Variants in SYK observed in about 807,000 individuals in gnomAD.
The protein encoded by SYK is spleen associated tyrosine kinase, also known as tyrosine-protein kinase SYK.
In SYK, 16 loss-of-function variants were observed where a neutral mutation model predicts 77.8. The observed-to-expected ratio is 0.21, with a 90% CI of 0.14 to 0.31. SYK has a LOEUF of 0.31. Among genes scored for constraint, SYK ranks in the 10% least tolerant of loss-of-function variants. SYK has a pLI of 1.00. For missense variants in SYK, 529 were observed against 814.4 expected (o/e 0.65, Z 4.26); for synonymous variants, 312 against 308.7 (o/e 1.01, Z -0.11).
intron 11 of SYK, among the ~76,000 whole-genome samples, chr9:90,881,523 C>T (rs563669271): frequency 8.6e-4 from 130 of 151,642 alleles, no homozygotes; most frequent in Non-Finnish European, 1.6e-3. Flanking sequence ...CTACTAAAAA[C>T]ACAAAAATTA....
intron 1 of SYK, among the ~76,000 whole-genome samples, chr9:90,815,853 G>T (rs950025226): frequency 6.6e-6 from 1 of 152,166 alleles, no homozygotes; most frequent in African/African-American, 2.4e-5. Context: ...GATCAGTTTT[G>T]AACCCCAGAA....
At chr9:90,876,656 A>G (rs538230679) in intron 9 of SYK, among the ~76,000 whole-genome samples, 2 of 152,338 alleles carry the variant, frequency 1.3e-5, no homozygotes, top group South Asian at 2.1e-4. Flanking sequence ...CATAATTTCA[A>G]CTAGAGAATT....
At chr9:90,892,039 C>T (rs907137541) in intron 13 of SYK, among the ~76,000 whole-genome samples, 1 of 152,158 alleles carries the variant, frequency 6.6e-6, no homozygotes, top group Non-Finnish European at 1.5e-5. Flanking sequence ...CAAATTGATA[C>T]CAGGCCAGAT....
chr9:90,872,474 T>C (rs992667788), intron 7 of SYK, among the ~76,000 whole-genome samples: 7 of 152,190 alleles, frequency 4.6e-5, no homozygotes, highest in Admixed American at 2.6e-4. Context: ...CAGCCTAGAA[T>C]TGGTTGCGGG....
intron 3 of SYK, among the ~76,000 whole-genome samples, chr9:90,855,637 A>C (rs962831927): frequency 6.6e-6 from 1 of 151,984 alleles, no homozygotes; most frequent in Non-Finnish European, 1.5e-5. Context: ...CCCGTAACTT[A>C]AGATGCACAA....
intron 11 of SYK, among the ~76,000 whole-genome samples, chr9:90,887,530 C>T (rs1029641700): frequency 1.4e-4 from 21 of 151,594 alleles, no homozygotes; most frequent in African/African-American, 5.1e-4. Context: ...CTCAGCCTCC[C>T]AAGTAGCTGG....
Position 90,811,480 on chromosome 9 carries a change from T to C in SYK, c.-42+9587T>C, listed in dbSNP as rs542436859. ...TTTTATAATAGCAAAAAAAAATCACTAAGGGAAGTACAGTTGATTCATATG... is the reference window on the plus strand; with the variant it reads ...TTTTATAATAGCAAAAAAAAATCACCAAGGGAAGTACAGTTGATTCATATG... On this transcript the variant is annotated intron_variant, in intron 1 of 13. Coordinates refer to ENST00000375754, the MANE Select transcript of SYK (RefSeq NM_003177.7). Among the ~76,000 whole-genome samples the C allele has an allele frequency of 3.3e-5, 5 of 152,274 alleles. No homozygotes were observed. The South Asian group carries it at 8.3e-4, about 25-fold the overall frequency.
chr9:90,883,406 G>A (rs531075842), intron 11 of SYK, among the ~76,000 whole-genome samples: 1 of 152,206 alleles, frequency 6.6e-6, no homozygotes, highest in East Asian at 1.9e-4. Context: ...AGGGAGAAGG[G>A]AGGCCAGGCA....
chr9:90,859,099 A>G (rs1827151777), intron 3 of SYK, among the ~76,000 whole-genome samples: 1 of 152,194 alleles, frequency 6.6e-6, no homozygotes, highest in Admixed American at 6.5e-5. Flanking sequence ...AAACAAACAC[A>G]TAAGAGTGCA....
At chr9:90,816,997 A>C (rs1157115676) in intron 1 of SYK, among the ~76,000 whole-genome samples, 1 of 152,252 alleles carries the variant, frequency 6.6e-6, no homozygotes, top group African/African-American at 2.4e-5. Flanking sequence ...GCTGCAGTGA[A>C]GCATGGGAGT....
At chr9:90,865,134 G>C (rs1304723897) in intron 6 of SYK, 37 bp downstream of exon 6, 3 of 1,595,580 alleles carry the variant, frequency 1.9e-6, no homozygotes, top group South Asian at 1.1e-5. Flanking sequence ...ATGAGAAGCT[G>C]TTGCATATTT....
At chr9:90,812,082 A>G (rs188546382) in intron 1 of SYK, among the ~76,000 whole-genome samples, 273 of 152,138 alleles carry the variant, frequency 1.8e-3, no homozygotes, top group Non-Finnish European at 2.8e-3. Flanking sequence ...AATATGTAGC[A>G]TGATCTGGAA....
intron 9 of SYK, among the ~76,000 whole-genome samples, chr9:90,876,287 CAA>C (rs71923873): frequency 1.3e-4 from 16 of 120,058 alleles, no homozygotes; most frequent in African/African-American, 2.6e-4. Context: ...AACTCTGCCT[CAA>C]AAAAAAAAAA....
Position 90,898,046 on chromosome 9 carries a change from A to T in SYK, c.*2446A>T, listed in dbSNP as rs576992452. The stretch of plus-strand genomic sequence containing the variant: ...TTCTCATACCCAGGCTGCCCCTTGG[A>T]TTGTTCTACCCAAGCTTTTCCCTGG... On this transcript the variant is annotated 3_prime_UTR_variant, in exon 14 of 14. Coordinates refer to ENST00000375754, the MANE Select transcript of SYK (RefSeq NM_003177.7). 1 of 228,100 alleles carries T rather than the reference A, an allele frequency of 4.4e-6. No individual in the cohort carries two copies. The highest frequency in any genetic ancestry group is 5.7e-5 in the Admixed American group (1 of 17,622). The allele number at this position is 228,100 out of a possible 1,614,324, so 14.1% of individuals were successfully genotyped here. A position where few individuals can be genotyped will look rare whatever the true frequency, so the allele number is the denominator to read the frequency against.
At chr9:90,824,812 A>C (rs1239539465) in intron 1 of SYK, among the ~76,000 whole-genome samples, 6 of 152,160 alleles carry the variant, frequency 3.9e-5, no homozygotes, top group Admixed American at 3.3e-4. Flanking sequence ...TGATACTGAA[A>C]ACAAGGTAAG....
intron 10 of SYK, 150 bp from the exon 11 acceptor site, chr9:90,878,614 C>T: frequency 1.6e-6 from 1 of 613,272 alleles, no homozygotes; most frequent in Non-Finnish European, 2.9e-6. Context: ...GAGCTATATG[C>T]TAACAAAGTT....
chr9:90,829,802 A>T (rs942398660), intron 1 of SYK, among the ~76,000 whole-genome samples: 1 of 152,268 alleles, frequency 6.6e-6, no homozygotes, highest in Non-Finnish European at 1.5e-5. Context: ...GTTAACATTT[A>T]TATTAACATA....
At position 90,830,602 on chromosome 9, in the gene SYK, T is replaced by C. The variant is rs1476638729; in HGVS notation, c.-41-13256T>C. Among the ~76,000 whole-genome samples the C allele has an allele frequency of 2.0e-5, 3 of 148,412 alleles. No homozygotes were observed. The Admixed American group carries it at 2.0e-4, about 10-fold the overall frequency. On this transcript the variant is annotated intron_variant, in intron 1 of 13. Coordinates refer to ENST00000375754, the MANE Select transcript of SYK (RefSeq NM_003177.7). ...TCCTCTTTTTTTTTTTTTTTTTTTT[T>C]TGAGATGGAGTCTCGCTCTGTCGCC...
intron 1 of SYK, among the ~76,000 whole-genome samples, chr9:90,824,834 T>C (rs535876456): frequency 6.6e-6 from 1 of 152,052 alleles, no homozygotes; most frequent in Admixed American, 6.5e-5. Context: ...CTGTCCTCTC[T>C]TACCACTCTG....
Sources: allele counts gnomAD v4.1 joint callset (sites outside exome capture counted in the v4.1 genomes callset), GRCh38; gene constraint gnomAD v4.1.1; transcripts MANE v1.5; gene names NCBI Gene and HGNC (gene_info 2026-07-23, HGNC 2026-07-21).